The following EIF2S3 variants were observed in gnomAD, a reference collection of about 807,000 sequenced individuals.
EIF2S3 encodes the protein eukaryotic translation initiation factor 2 subunit gamma.
Under a neutral mutation model 31.7 loss-of-function variants are expected in EIF2S3, and 2 were observed. The observed-to-expected ratio is 0.06, with a 90% confidence interval of 0.03 to 0.20. The LOEUF is 0.20. EIF2S3 is among the 10% of genes least tolerant of loss of function. The probability of loss-of-function intolerance (pLI) is 1.00; values close to 1 mark genes in which losing one functional copy is unlikely to be tolerated. For missense variants in EIF2S3, 96 were observed against 359.3 expected, an observed-to-expected ratio of 0.27 and a Z score of 5.92; for synonymous variants, 120 against 126.7, an observed-to-expected ratio of 0.95 and a Z score of 0.36.
intron 4 of EIF2S3, among the ~76,000 whole-genome samples, chrX:24,058,158 T>A (rs928789352): frequency 3.6e-5 from 4 of 111,902 alleles, no homozygotes; most frequent in Non-Finnish European, 7.5e-5. Flanking sequence ...CCTGTTTTTT[T>A]ATCAGGATAC....
chrX:24,066,344 T>C (rs1462732380), intron 8 of EIF2S3, among the ~76,000 whole-genome samples: 1 of 110,114 alleles, frequency 9.1e-6, no homozygotes, highest in Non-Finnish European at 1.9e-5. Flanking sequence ...TCCACCTTTT[T>C]AGCTTCCACA....
intron 2 of EIF2S3, among the ~76,000 whole-genome samples, chrX:24,056,179 G>A (rs1282637198): frequency 8.9e-6 from 1 of 111,856 alleles, no homozygotes; most frequent in African/African-American, 3.2e-5. Flanking sequence ...AAGTACAGAA[G>A]TAAGTTAAAA....
intron 6 of EIF2S3, among the ~76,000 whole-genome samples, chrX:24,063,157 C>T (rs60085421): frequency 1.2e-3 from 138 of 112,031 alleles, no homozygotes; most frequent in African/African-American, 4.1e-3. Context: ...GCAGGAGAAT[C>T]GCTTGAACTT....
chrX:24,068,707 A>C (rs942974295), intron 9 of EIF2S3, among the ~76,000 whole-genome samples: 3 of 111,665 alleles, frequency 2.7e-5, no homozygotes, highest in Non-Finnish European at 5.6e-5. Context: ...CGGCCTTTCA[A>C]AGTGCTAGGA....
At chrX:24,055,561 G>A in intron 1 of EIF2S3, 54 bp from the exon 2 acceptor site, 1 of 1,157,835 alleles carries the variant, frequency 8.6e-7, no homozygotes, top group East Asian at 3.0e-5. Flanking sequence ...TAAAGTCAAA[G>A]GAAAAGTTCT....
intron 6 of EIF2S3, 33 bp downstream of exon 6, chrX:24,062,607 A>C: frequency 2.5e-6 from 3 of 1,190,566 alleles, no homozygotes; most frequent in Non-Finnish European, 3.4e-6. Flanking sequence ...AAATCTATGA[A>C]TCACTTTGAG....
rs758298509 is a variant in EIF2S3, at chrX:24,062,618, A to G, written c.637+44A>G. 9 of 1,151,312 alleles carry G rather than the reference A, an allele frequency of 7.8e-6. No individual in the cohort carries two copies. In the Admixed American group the frequency reaches 9.8e-5, roughly 12 times the overall value. 94.9% of individuals were successfully genotyped at this position (1,151,312 alleles called of 1,213,427 possible). ...AAATAAATCTATGAATCACTTTGAG[A>G]GGCATTTACTCTGGATACCAGATGT... On this transcript the variant is annotated intron_variant, in intron 6 of 11. Coordinates refer to ENST00000253039, the MANE Select transcript of EIF2S3 (RefSeq NM_001415.4).
At chrX:24,070,214 C>T in intron 9 of EIF2S3, among the ~76,000 whole-genome samples, 2 of 105,349 alleles carry the variant, frequency 1.9e-5, no homozygotes, top group Admixed American at 2.1e-4. Flanking sequence ...AAAATTTAGT[C>T]AGGTGTGGTG....
chrX:24,064,038 A>G (rs1930534191), intron 6 of EIF2S3, among the ~76,000 whole-genome samples, 163 bp from the exon 7 acceptor site: 1 of 112,342 alleles, frequency 8.9e-6, no homozygotes, highest in South Asian at 3.6e-4. Context: ...CAATATTGCC[A>G]TCTTTCTAAA....
rs756682701 is a variant in EIF2S3 at position 24,076,686 on chromosome X, G to GT, written c.1356-35dup. 23 of 1,171,600 alleles carry GT rather than the reference G, an allele frequency of 2.0e-5. No homozygotes were observed. In the Admixed American group the frequency reaches 5.3e-4, roughly 27 times the overall value. On this transcript the variant is annotated intron_variant, in intron 11 of 11. Transcript: ENST00000253039. ...GTGTGGTAATGAGAGTGAAGTGGATGTAAGATTTATGATTTCTTTTATTTT... is the reference window on the plus strand; with the variant it reads ...GTGTGGTAATGAGAGTGAAGTGGATGTTAAGATTTATGATTTCTTTTATTTT...
intron 11 of EIF2S3, among the ~76,000 whole-genome samples, chrX:24,075,651 A>G (rs943258518): frequency 9.0e-5 from 10 of 111,713 alleles, no homozygotes; most frequent in African/African-American, 3.3e-4. Flanking sequence ...ATTGTCTTAT[A>G]TAAACCCTCT....
At chrX:24,071,139 T>C (rs1930663512) in intron 9 of EIF2S3, among the ~76,000 whole-genome samples, 1 of 111,063 alleles carries the variant, frequency 9.0e-6, no homozygotes, top group Non-Finnish European at 1.9e-5. Context: ...AAAATAAAAG[T>C]ATGAAAGTGT....
At position 24,055,537 on chromosome X, in the gene EIF2S3, G is replaced by A. The variant is rs1295022272; in HGVS notation, c.70-78G>A. 4.9e-6 allele frequency: 5 copies of A among 1,023,009 alleles called. No individual in the cohort carries two copies. In the African/African-American group the frequency reaches 7.4e-5, roughly 15 times the overall value. The allele number at this position is 1,023,009 out of a possible 1,213,427, so 84.3% of individuals were successfully genotyped here. A position where few individuals can be genotyped will look rare whatever the true frequency, so the allele number is the denominator to read the frequency against. On this transcript the variant is annotated intron_variant, in intron 1 of 11. Coordinates refer to ENST00000253039, the MANE Select transcript of EIF2S3 (RefSeq NM_001415.4). ...AAAGCTGTGCAGATGGTGGCAAGAT[G>A]TAGATAGCAAACGTAAAGTCAAAGG...
intron 9 of EIF2S3, among the ~76,000 whole-genome samples, chrX:24,068,689 C>A (rs904653326): frequency 9.0e-6 from 1 of 111,511 alleles, no homozygotes; most frequent in Non-Finnish European, 1.9e-5. Context: ...CAGGCAGTCC[C>A]CCTGCCTCGG....
At chrX:24,071,379 CAG>C (rs1309206149) in intron 9 of EIF2S3, among the ~76,000 whole-genome samples, 177 bp from the exon 10 acceptor site, 1 of 110,307 alleles carries the variant, frequency 9.1e-6, no homozygotes, top group Non-Finnish European at 1.9e-5. Context: ...TTAATAGAGA[CAG>C]GGTTTCACCG....
intron 9 of EIF2S3, among the ~76,000 whole-genome samples, chrX:24,068,645 C>T (rs1186002629): frequency 3.6e-5 from 4 of 110,911 alleles, no homozygotes; most frequent in Admixed American, 9.7e-5. Flanking sequence ...GGGGTTTCAC[C>T]GTGTTGCCCA....
At chrX:24,069,686 CTTT>C (rs754589833) in intron 9 of EIF2S3, among the ~76,000 whole-genome samples, 2 of 60,982 alleles carry the variant, frequency 3.3e-5, no homozygotes, top group African/African-American at 1.4e-4. Flanking sequence ...TTTTTAATTT[CTTT>C]TTTTTTTTTT....
intron 10 of EIF2S3, among the ~76,000 whole-genome samples, chrX:24,072,881 A>G (rs1335296864): frequency 6.3e-5 from 7 of 111,631 alleles, no homozygotes; most frequent in African/African-American, 1.9e-4. Context: ...TACGGTTACT[A>G]CCCTATTTTT....
At chrX:24,072,744 C>A (rs1333961906) in intron 10 of EIF2S3, among the ~76,000 whole-genome samples, 2 of 111,210 alleles carry the variant, frequency 1.8e-5, no homozygotes, top group Non-Finnish European at 3.8e-5. Flanking sequence ...GGATTACAGG[C>A]GTGTGCCACT....
Sources: allele counts gnomAD v4.1 joint callset (sites outside exome capture counted in the v4.1 genomes callset), GRCh38; gene constraint gnomAD v4.1.1; transcripts MANE v1.5; gene names NCBI Gene and HGNC (gene_info 2026-07-23, HGNC 2026-07-21).